Variants in EIF4E observed in about 807,000 individuals in gnomAD.
EIF4E encodes the protein eIF-4F 25 kDa subunit.
For synonymous variants in EIF4E, 71 were observed against 88.5 expected, an observed-to-expected ratio of 0.80 and a Z score of 1.11; for missense variants, 113 against 265.6, an observed-to-expected ratio of 0.43 and a Z score of 3.99.
chr4:98,909,147 C>CA (rs1360980573), intron 1 of EIF4E, among the ~76,000 whole-genome samples: 2 of 151,928 alleles, frequency 1.3e-5, no homozygotes, highest in Non-Finnish European at 2.9e-5. Flanking sequence ...CCCAGACACA[C>CA]AAAAAAACCC....
At chr4:98,925,605 A>T (rs999263993) in intron 1 of EIF4E, among the ~76,000 whole-genome samples, 1 of 152,210 alleles carries the variant, frequency 6.6e-6, no homozygotes, top group Non-Finnish European at 1.5e-5. Flanking sequence ...TCTTCATGTA[A>T]CTCAACTCAT....
In EIF4E at chr4:98,887,283, A is replaced by G; in HGVS notation, c.286-91T>C. On this transcript the variant is annotated intron_variant, in intron 4 of 6. Transcript: ENST00000450253. This position sits in a 1 kb window ranked among gnomAD's most constrained non-coding sequence, Gnocchi z 4.0. ...GAAACAGTTAAGCAACAACACTGTCAACTTCTTACTTTATTGCCCATAAAA... is the reference window on the plus strand; with the variant it reads ...GAAACAGTTAAGCAACAACACTGTCGACTTCTTACTTTATTGCCCATAAAA... 9 of 1,306,918 alleles carry G rather than the reference A, an allele frequency of 6.9e-6. No homozygotes were observed. The highest frequency in any genetic ancestry group is 1.0e-5 in the Non-Finnish European group (9 of 903,396). The allele number at this position is 1,306,918 out of a possible 1,614,324, so 81.0% of individuals were successfully genotyped here.
chr4:98,915,840 C>G (rs1725354005), intron 1 of EIF4E, among the ~76,000 whole-genome samples: 1 of 151,770 alleles, frequency 6.6e-6, no homozygotes, highest in African/African-American at 2.4e-5. Context: ...CTGCGCCTGG[C>G]CGTTATCTTT....
chr4:98,891,173 T>A, intron 3 of EIF4E, 64 bp downstream of exon 3: 2 of 1,568,734 alleles, frequency 1.3e-6, no homozygotes, highest in Non-Finnish European at 1.7e-6. Flanking sequence ...TGAATTCGAC[T>A]TAAAAATAAA....
chr4:98,888,030 G>T, intron 3 of EIF4E, 78 bp from the exon 4 acceptor site: 1 of 1,184,280 alleles, frequency 8.4e-7, no homozygotes, highest in Non-Finnish European at 1.2e-6. Context: ...TATACATTTA[G>T]AACATATGAT....
chr4:98,882,707 A>G (rs1723749574), intron 6 of EIF4E, among the ~76,000 whole-genome samples: 1 of 152,046 alleles, frequency 6.6e-6, no homozygotes, highest in South Asian at 2.1e-4. Context: ...GAGTCATGCA[A>G]ATTGGAAGGT....
At chr4:98,890,171 T>C (rs1277500381) in intron 3 of EIF4E, among the ~76,000 whole-genome samples, 4 of 152,190 alleles carry the variant, frequency 2.6e-5, no homozygotes. Context: ...CAGAAAAATA[T>C]TGTTTCTGCT....
At chr4:98,917,433 C>G (rs1256435153) in intron 1 of EIF4E, among the ~76,000 whole-genome samples, 2 of 151,862 alleles carry the variant, frequency 1.3e-5, no homozygotes. Context: ...CACTGGTTTC[C>G]CGAAAAAGGG....
rs1723856877 is a variant in EIF4E, at chr4:98,885,085, A to G, written c.400-24T>C. On this transcript the variant is annotated intron_variant, in intron 5 of 6. Transcript: ENST00000450253. ...AGCTTAAAAAAAAATCCCAAATTAC[A>G]TTTAATAGATTATAAACAAGCTCAT... is the stretch of plus-strand genomic sequence containing the variant. 7 of 1,602,522 alleles carry G rather than the reference A, an allele frequency of 4.4e-6. No homozygotes were observed. In the East Asian group the frequency reaches 1.4e-4, roughly 31 times the overall value.
chr4:98,902,060 C>G, intron 1 of EIF4E, 78 bp from the exon 2 acceptor site: 2 of 1,346,574 alleles, frequency 1.5e-6, no homozygotes, highest in Non-Finnish European at 2.1e-6. Context: ...TAAACCTGAA[C>G]TGATATGCTG....
intron 1 of EIF4E, among the ~76,000 whole-genome samples, chr4:98,919,855 G>A (rs890352875): frequency 3.9e-5 from 6 of 151,986 alleles, no homozygotes; most frequent in Non-Finnish European, 8.8e-5. Flanking sequence ...CACCATGCCC[G>A]GCCAGAATTT....
At chr4:98,881,920 A>C (rs1579144649) in intron 6 of EIF4E, among the ~76,000 whole-genome samples, 1 of 152,236 alleles carries the variant, frequency 6.6e-6, no homozygotes, top group Non-Finnish European at 1.5e-5. Context: ...ACATTAGAGA[A>C]GTCTTCCCCT....
chr4:98,928,458 G>A (rs1330820058), intron 1 of EIF4E, among the ~76,000 whole-genome samples: 2 of 151,990 alleles, frequency 1.3e-5, no homozygotes, highest in Non-Finnish European at 1.5e-5. Flanking sequence ...CAACTCTCCG[G>A]CGCGCTGGAT....
At chr4:98,923,683 T>A (rs115329754) in intron 1 of EIF4E, among the ~76,000 whole-genome samples, 3,535 of 152,040 alleles carry the variant, frequency 0.023, 122 homozygotes, top group African/African-American at 0.081. Flanking sequence ...GGGATAGGAG[T>A]GGGAAGAACA....
intron 1 of EIF4E, among the ~76,000 whole-genome samples, chr4:98,919,342 A>C (rs78781932): frequency 0.17 from 25,464 of 146,874 alleles, 2,654 homozygotes; most frequent in African/African-American, 0.29. Context: ...CAAAAAAAAA[A>C]AAAACAAAAA....
At position 98,887,999 on chromosome 4, in the gene EIF4E, G is replaced by A. The variant is rs755539518; in HGVS notation, c.222-47C>T. 6.9e-7 allele frequency: 1 copy of A among 1,447,190 alleles called. No homozygotes were observed. The highest frequency in any genetic ancestry group is 9.6e-7 in the Non-Finnish European group (1 of 1,036,692). 89.6% of individuals were successfully genotyped at this position (1,447,190 alleles called of 1,614,324 possible). A position where few individuals can be genotyped will look rare whatever the true frequency, so the allele number is the denominator to read the frequency against. On this transcript the variant is annotated intron_variant, in intron 3 of 6. Coordinates refer to ENST00000450253, the MANE Select transcript of EIF4E (RefSeq NM_001968.5). The surrounding 1 kb of genome is among the most constrained non-coding windows in gnomAD (Gnocchi z 4.0). The stretch of plus-strand genomic sequence containing the variant: ...TTAAAAACACAGAATATGTAATATA[G>A]AGTTTAGGTGCTTACATATATATAC...
chr4:98,918,502 T>A (rs142536486), intron 1 of EIF4E, among the ~76,000 whole-genome samples: 32 of 152,172 alleles, frequency 2.1e-4, no homozygotes, highest in African/African-American at 7.0e-4. Context: ...GAAAACCAAC[T>A]ATATTTGAAA....
intron 1 of EIF4E, among the ~76,000 whole-genome samples, chr4:98,914,392 CTTTT>C (rs61194368): frequency 8.3e-6 from 1 of 120,770 alleles, no homozygotes; most frequent in East Asian, 2.5e-4. Context: ...AAAAAAAGCA[CTTTT>C]TTTTTTTGCT....
intron 1 of EIF4E, among the ~76,000 whole-genome samples, chr4:98,915,856 T>C (rs1248550615): frequency 6.6e-6 from 1 of 151,746 alleles, no homozygotes; most frequent in Non-Finnish European, 1.5e-5. Flanking sequence ...TCTTTAATAA[T>C]ACTTTTCTTC....
Sources: gnomAD v4.1 joint callset for allele counts (sites outside exome capture counted in the v4.1 genomes callset) on GRCh38, gnomAD v4.1.1 for gene constraint, Gnocchi (gnomAD v3.1) non-coding constraint, MANE v1.5 for transcripts, NCBI Gene and HGNC (gene_info 2026-07-23, HGNC 2026-07-21) for gene names.